Variants in CTNNA3 observed in about 807,000 individuals in gnomAD.
CTNNA3 encodes the protein catenin alpha 3, also known as catenin alpha-3.
Under a neutral mutation model 95.7 loss-of-function variants are expected in CTNNA3, and 76 were observed. The ratio of observed to expected loss-of-function variants is 0.79; its 90% CI spans 0.66 to 0.96. The LOEUF (loss-of-function observed/expected upper bound fraction) is 0.96, where lower values mean the gene tolerates loss of function less well. Ranked by LOEUF, CTNNA3 falls within the 40% of genes least tolerant of loss-of-function variation. The pLI is 0.00. For missense variants in CTNNA3, 1,191 were observed against 1,089.8 expected, an observed-to-expected ratio of 1.09 and a Z score of -1.31; for synonymous variants, 431 against 374.4, an observed-to-expected ratio of 1.15 and a Z score of -1.74.
intron 7 of CTNNA3, among the ~76,000 whole-genome samples, chr10:67,073,910 T>C (rs1247838364): frequency 6.6e-6 from 1 of 152,190 alleles, no homozygotes; most frequent in Non-Finnish European, 1.5e-5. Flanking sequence ...GTTAAGTAAC[T>C]TTTGACCAAT....
intron 3 of CTNNA3, among the ~76,000 whole-genome samples, chr10:67,605,820 G>C (rs549267784): frequency 6.6e-6 from 1 of 152,006 alleles, no homozygotes; most frequent in African/African-American, 2.4e-5. Context: ...ACAGGCGCCT[G>C]CCACCACACC....
intron 5 of CTNNA3, among the ~76,000 whole-genome samples, chr10:67,465,325 T>C (rs1339736711): frequency 6.6e-6 from 1 of 152,090 alleles, no homozygotes; most frequent in Non-Finnish European, 1.5e-5. Context: ...CCAGCTATAA[T>C]ACTCTCATGC....
chr10:67,371,851 T>C (rs1843477854), intron 5 of CTNNA3, among the ~76,000 whole-genome samples: 2 of 152,244 alleles, frequency 1.3e-5, no homozygotes, highest in Admixed American at 6.5e-5. Flanking sequence ...ACCTACAGTA[T>C]AAAAGTGTTC....
intron 12 of CTNNA3, among the ~76,000 whole-genome samples, chr10:66,344,034 T>G (rs1589117681): frequency 6.6e-6 from 1 of 151,238 alleles, no homozygotes; most frequent in South Asian, 2.1e-4. Context: ...CGAGATCAGC[T>G]TGACCAACAT....
chr10:67,401,126 C>T (rs1357064543), intron 5 of CTNNA3, among the ~76,000 whole-genome samples: 4 of 152,090 alleles, frequency 2.6e-5, no homozygotes, highest in Non-Finnish European at 1.5e-5. Context: ...TTCCACCTCC[C>T]ACCACATTAG....
intron 16 of CTNNA3, among the ~76,000 whole-genome samples, chr10:65,970,664 AAATAT>A (rs1202816307): frequency 1.3e-5 from 2 of 148,416 alleles, no homozygotes; most frequent in African/African-American, 4.9e-5. Context: ...AATATATTTA[AAATAT>A]AATATATATA....
intron 10 of CTNNA3, among the ~76,000 whole-genome samples, chr10:66,579,654 T>C (rs1843118945): frequency 6.6e-6 from 1 of 151,832 alleles, no homozygotes. Flanking sequence ...GTCATTCTTT[T>C]AATGTAGGTC....
At chr10:66,324,846 C>G (rs565891627) in intron 12 of CTNNA3, among the ~76,000 whole-genome samples, 1 of 142,990 alleles carries the variant, frequency 7.0e-6, no homozygotes, top group African/African-American at 2.6e-5. Context: ...AAGGTAGAAC[C>G]AAGCACAGCC....
intron 9 of CTNNA3, among the ~76,000 whole-genome samples, chr10:66,651,705 G>A (rs1056536300): frequency 1.5e-4 from 23 of 152,050 alleles, no homozygotes; most frequent in African/African-American, 2.9e-4. Flanking sequence ...CTGCTGGCCC[G>A]GGTGCTAAGC....
chr10:67,102,179 C>T (rs1376305349), intron 7 of CTNNA3, among the ~76,000 whole-genome samples: 2 of 151,686 alleles, frequency 1.3e-5, no homozygotes, highest in African/African-American at 2.4e-5. Flanking sequence ...TCCCAATTTT[C>T]CCCAACTGTC....
rs76166362 is a variant in CTNNA3, at chr10:67,184,930, T to A, written c.844-4410A>T. Among the ~76,000 whole-genome samples the A allele has an allele frequency of 0.011, 1,717 of 152,264 alleles. 95 individuals are homozygous for A. In the East Asian group the frequency reaches 0.17, roughly 15 times the overall value. On this transcript the variant is annotated intron_variant, in intron 6 of 17. Transcript: ENST00000433211. Reference sequence around the variant, plus strand: ...ACATGTTACAACAAGTTAGTATGAGTTTATTTTGGTGGAAAAAATGTTGAA... The same window carrying A: ...ACATGTTACAACAAGTTAGTATGAGATTATTTTGGTGGAAAAAATGTTGAA...
At chr10:66,445,431 C>T (rs1399744993) in intron 11 of CTNNA3, among the ~76,000 whole-genome samples, 2 of 152,012 alleles carry the variant, frequency 1.3e-5, no homozygotes, top group South Asian at 2.1e-4. Flanking sequence ...AAGTAAAGCA[C>T]TCCTCAGCAA....
chr10:67,025,970 A>C (rs1589623266), intron 7 of CTNNA3, among the ~76,000 whole-genome samples: 1 of 151,266 alleles, frequency 6.6e-6, no homozygotes, highest in East Asian at 1.9e-4. Flanking sequence ...GACATGGATG[A>C]AATTGGAAAT....
chr10:66,631,431 A>C (rs1845131562), intron 9 of CTNNA3, among the ~76,000 whole-genome samples: 1 of 152,202 alleles, frequency 6.6e-6, no homozygotes, highest in African/African-American at 2.4e-5. Context: ...ATAAAGCAAG[A>C]CAATGTTGTT....
chr10:66,530,265 T>C (rs749902147), intron 10 of CTNNA3, among the ~76,000 whole-genome samples: 1 of 152,170 alleles, frequency 6.6e-6, no homozygotes, highest in African/African-American at 2.4e-5. Flanking sequence ...AGATATATGA[T>C]GCCTCGAATA....
intron 7 of CTNNA3, among the ~76,000 whole-genome samples, chr10:66,860,091 T>C (rs12764856): frequency 0.57 from 81,032 of 141,720 alleles, 24,225 homozygotes; most frequent in African/African-American, 0.63. Context: ...GGGTGCAGCA[T>C]ACCAGCATGG....
chr10:65,934,928 C>T (rs10509240), intron 17 of CTNNA3, among the ~76,000 whole-genome samples: 45,942 of 151,822 alleles, frequency 0.3, 7,028 homozygotes, highest in East Asian at 0.45. Context: ...TAGTGCAGAA[C>T]TCAAAATCTC....
intron 7 of CTNNA3, among the ~76,000 whole-genome samples, chr10:66,993,564 A>C (rs1165945042): frequency 6.6e-6 from 1 of 152,048 alleles, no homozygotes; most frequent in African/African-American, 2.4e-5. Context: ...TGAATCTATA[A>C]ATTTTAGAAT....
intron 7 of CTNNA3, among the ~76,000 whole-genome samples, chr10:66,856,531 A>G (rs1291062787): frequency 6.6e-6 from 1 of 152,070 alleles, no homozygotes; most frequent in East Asian, 1.9e-4. Context: ...TCAGCAGTGT[A>G]TAAGTATTCC....
Sources: allele counts gnomAD v4.1 joint callset (sites outside exome capture counted in the v4.1 genomes callset), GRCh38; gene constraint gnomAD v4.1.1; transcripts MANE v1.5; gene names NCBI Gene and HGNC (gene_info 2026-07-23, HGNC 2026-07-21).